GRIK4: variants seen among roughly 807,000 people sequenced by gnomAD.
The protein encoded by GRIK4 is glutamate ionotropic receptor kainate type subunit 4.
Under a neutral mutation model 104.9 loss-of-function variants are expected in GRIK4, and 40 were observed. That is an observed-to-expected ratio of 0.38 (90% CI 0.30 to 0.50). The LOEUF (loss-of-function observed/expected upper bound fraction) is 0.50. Ranked by LOEUF, GRIK4 falls within the 20% of genes least tolerant of loss-of-function variation. The pLI is 0.93. For synonymous variants in GRIK4, 485 were observed against 524.9 expected (o/e 0.92, Z 1.04); for missense variants, 1,047 against 1,308.1 (o/e 0.80, Z 3.08).
chr11:120,621,681 A>G (rs1489708848), intron 1 of GRIK4, among the ~76,000 whole-genome samples: 1 of 152,168 alleles, frequency 6.6e-6, no homozygotes, highest in Admixed American at 6.5e-5. Flanking sequence ...TGTACTAACT[A>G]TGTAAACTTG....
At chr11:120,721,893 A>T (rs1328154127) in intron 3 of GRIK4, among the ~76,000 whole-genome samples, 3 of 152,232 alleles carry the variant, frequency 2.0e-5, no homozygotes, top group African/African-American at 7.2e-5. Flanking sequence ...CCAGCAGTTA[A>T]GGGAATCATC....
At chr11:120,641,857 C>T (rs1218604927) in intron 1 of GRIK4, among the ~76,000 whole-genome samples, 1 of 152,192 alleles carries the variant, frequency 6.6e-6, no homozygotes, top group Non-Finnish European at 1.5e-5. Flanking sequence ...CTCATTTTAC[C>T]CAGCTCCTAT....
chr11:120,896,549 G>T (rs544220342), intron 11 of GRIK4, among the ~76,000 whole-genome samples: 1 of 152,148 alleles, frequency 6.6e-6, no homozygotes, highest in Non-Finnish European at 1.5e-5. Flanking sequence ...GAGACCATAA[G>T]GCTCCTGCCT....
intron 1 of GRIK4, among the ~76,000 whole-genome samples, chr11:120,595,779 G>A (rs112643391): frequency 1.3e-5 from 2 of 152,310 alleles, no homozygotes; most frequent in African/African-American, 2.4e-5. Context: ...CATGTGCCCT[G>A]GGGACACTGC....
chr11:120,778,151 C>A (rs1952079642), intron 3 of GRIK4, among the ~76,000 whole-genome samples: 1 of 152,160 alleles, frequency 6.6e-6, no homozygotes, highest in African/African-American at 2.4e-5. Flanking sequence ...TGTTTCCACA[C>A]AAGTCTGTAA....
At chr11:120,684,029 A>G (rs1010408166) in intron 3 of GRIK4, among the ~76,000 whole-genome samples, 2 of 152,228 alleles carry the variant, frequency 1.3e-5, no homozygotes, top group South Asian at 4.1e-4. Flanking sequence ...TTCTCTGGGA[A>G]GAAAGCAAAG....
chr11:120,862,577 C>T (rs2135635377), intron 9 of GRIK4, among the ~76,000 whole-genome samples: 5 of 152,146 alleles, frequency 3.3e-5, no homozygotes, highest in Middle Eastern at 6.8e-3. Context: ...GGAACTAGAC[C>T]CCAGGAATCC....
chr11:120,522,965 A>G (rs1003477053), intron 1 of GRIK4, among the ~76,000 whole-genome samples: 3 of 151,962 alleles, frequency 2.0e-5, no homozygotes, highest in Non-Finnish European at 4.4e-5. Context: ...CTGGGCCCTT[A>G]CAAAATGTGT....
rs745654095 is a variant in GRIK4 at position 120,956,902 on chromosome 11, G to T, written c.1823G>T (p.Gly608Val). 4.5e-5 allele frequency: 73 copies of T among 1,613,742 alleles called. No individual in the cohort carries two copies. The highest frequency in any genetic ancestry group is 5.8e-5 in the Non-Finnish European group (68 of 1,179,940). ...WFPVGGFMQQ[G>V]STIAPRALST... is the part of the protein sequence containing the mutation. ...CCGGTCGGGGGGTTCATGCAGCAAG[G>T]CTCCACCATCGCCCCTCGCGCCTTA... The change falls in exon 16 of 21, where the codon GGC becomes GTC. Residue 608 changes from glycine (G) to valine (V), a missense_variant. Physicochemically the swap from Gly to Val is moderately radical, Grantham distance 109. Transcript: ENST00000527524. The surrounding 1 kb of genome is among the most constrained non-coding windows in gnomAD (Gnocchi z 4.6).
intron 3 of GRIK4, among the ~76,000 whole-genome samples, chr11:120,788,227 A>G (rs992762371): frequency 6.6e-6 from 1 of 152,150 alleles, no homozygotes; most frequent in Non-Finnish European, 1.5e-5. Context: ...GAGCCACAAA[A>G]ACAAAGGGAC....
At chr11:120,614,101 A>G (rs1317814) in intron 1 of GRIK4, among the ~76,000 whole-genome samples, 45,322 of 152,050 alleles carry the variant, frequency 0.3, 7,279 homozygotes, top group Non-Finnish European at 0.33. Flanking sequence ...CCTTCCCTGC[A>G]GGCAGTGATG....
At chr11:120,642,978 C>T (rs1192272880) in intron 1 of GRIK4, among the ~76,000 whole-genome samples, 2 of 152,182 alleles carry the variant, frequency 1.3e-5, no homozygotes, top group Non-Finnish European at 2.9e-5. Flanking sequence ...CCTCCACTTG[C>T]ACTGGGAGTG....
At chr11:120,687,977 T>G (rs899365940) in intron 3 of GRIK4, among the ~76,000 whole-genome samples, 1 of 152,188 alleles carries the variant, frequency 6.6e-6, no homozygotes, top group Non-Finnish European at 1.5e-5. Context: ...AGGAGAAAAT[T>G]GGGACCCTAT....
intron 3 of GRIK4, among the ~76,000 whole-genome samples, chr11:120,665,039 C>T (rs1056667830): frequency 6.6e-6 from 1 of 151,974 alleles, no homozygotes; most frequent in Non-Finnish European, 1.5e-5. Flanking sequence ...TGGTTTCCCC[C>T]CAATGAGCTC....
chr11:120,769,427 C>G (rs1269067438), intron 3 of GRIK4, among the ~76,000 whole-genome samples: 1 of 152,096 alleles, frequency 6.6e-6, no homozygotes, highest in Non-Finnish European at 1.5e-5. Flanking sequence ...CAGCTATAGA[C>G]AACACATAAA....
At chr11:120,657,986 C>A (rs946108662) in intron 2 of GRIK4, among the ~76,000 whole-genome samples, 1 of 152,194 alleles carries the variant, frequency 6.6e-6, no homozygotes, top group Non-Finnish European at 1.5e-5. Context: ...CCATTCTCTA[C>A]CCTAACCATG....
chr11:120,591,583 C>T (rs932344143), intron 1 of GRIK4, among the ~76,000 whole-genome samples: 3 of 152,168 alleles, frequency 2.0e-5, no homozygotes, highest in Non-Finnish European at 4.4e-5. Flanking sequence ...CCTTCTGCCT[C>T]CTCTGGGCTT....
chr11:120,918,807 C>T (rs549251834), intron 13 of GRIK4, among the ~76,000 whole-genome samples: 2 of 152,234 alleles, frequency 1.3e-5, no homozygotes, highest in African/African-American at 4.8e-5. Flanking sequence ...GCATTTCAGC[C>T]GGAGGAAGCC....
rs766667708 is a variant in GRIK4 at position 120,940,306 on chromosome 11, C to G, written c.1477-41C>G. 1 of 1,279,394 alleles carries G rather than the reference C, an allele frequency of 7.8e-7. No homozygotes were observed. 79.3% of individuals were successfully genotyped at this position (1,279,394 alleles called of 1,614,324 possible). On this transcript the variant is annotated intron_variant, in intron 13 of 20. Coordinates refer to ENST00000527524, the MANE Select transcript of GRIK4 (RefSeq NM_014619.5). The surrounding 1 kb of genome is among the most constrained non-coding windows in gnomAD (Gnocchi z 4.3). ...GTCGCAAGTCTCTGTGCCTCTTCTCCTATGGCCACCCCACTGACGGGCTGT... is the reference window on the plus strand; with the variant it reads ...GTCGCAAGTCTCTGTGCCTCTTCTCGTATGGCCACCCCACTGACGGGCTGT...
Sources: gnomAD v4.1 joint callset for allele counts (sites outside exome capture counted in the v4.1 genomes callset) on GRCh38, gnomAD v4.1.1 for gene constraint, Gnocchi (gnomAD v3.1) non-coding constraint, MANE v1.5 for transcripts, NCBI Gene and HGNC (gene_info 2026-07-23, HGNC 2026-07-21) for gene names.